The following UNC80 variants were observed in gnomAD, a reference collection of about 807,000 sequenced individuals.
UNC80 encodes protein unc-80 homolog.
A neutral mutation model predicts 384.6 loss-of-function variants in UNC80; 164 were observed. The ratio of observed to expected loss-of-function variants is 0.43; its 90% CI spans 0.38 to 0.49. The LOEUF is 0.49. UNC80 is among the 20% of genes least tolerant of loss of function. The pLI, the probability that UNC80 is intolerant of heterozygous loss-of-function variation, is 0.00. For missense variants in UNC80, 3,330 were observed against 4,143.0 expected (o/e 0.80, Z 5.39); for synonymous variants, 1,486 against 1,527.8 (o/e 0.97, Z 0.64).
intron 25 of UNC80, among the ~76,000 whole-genome samples, chr2:209,884,137 A>T (rs2085557745): frequency 6.6e-6 from 1 of 152,122 alleles, no homozygotes; most frequent in Non-Finnish European, 1.5e-5. Flanking sequence ...GCATAAGCAA[A>T]TTTTTTCTAA....
chr2:209,868,858 G>T (rs2084056939), intron 22 of UNC80, among the ~76,000 whole-genome samples: 1 of 152,090 alleles, frequency 6.6e-6, no homozygotes, highest in Admixed American at 6.5e-5. Context: ...TGCCTTCCCA[G>T]TTAAAATCGA....
intron 7 of UNC80, among the ~76,000 whole-genome samples, chr2:209,805,495 T>G (rs1166098153): frequency 6.6e-6 from 1 of 152,228 alleles, no homozygotes; most frequent in Non-Finnish European, 1.5e-5. Context: ...ACAGAGTCTC[T>G]CAAGCTGTTG....
chr2:209,788,413 A>G (rs2077585266), intron 5 of UNC80, among the ~76,000 whole-genome samples: 3 of 150,460 alleles, frequency 2.0e-5, no homozygotes, highest in Admixed American at 6.6e-5. Context: ...GCAAAACTCC[A>G]TCTCAAAAAA....
chr2:209,934,619 A>G (rs2091116872), intron 39 of UNC80, among the ~76,000 whole-genome samples: 2 of 152,220 alleles, frequency 1.3e-5, no homozygotes, highest in Admixed American at 1.3e-4. Context: ...AGAGATGAGA[A>G]CACAGGTTCT....
intron 25 of UNC80, among the ~76,000 whole-genome samples, chr2:209,881,960 CCTT>C (rs1395233432): frequency 3.1e-4 from 47 of 150,400 alleles, no homozygotes; most frequent in Middle Eastern, 6.8e-3. Flanking sequence ...CACCACCTCT[CCTT>C]CTTTTTTTTT....
rs71409845 is a variant in UNC80, at chr2:209,866,490, CCACACACACACA to C, written c.3628-6235_3628-6224del. On this transcript the variant is annotated intron_variant, in intron 22 of 64. Coordinates refer to ENST00000673920, the MANE Select transcript of UNC80 (RefSeq NM_001371986.1). ...ACATTCCATAATACAAAATGCACCC[CCACACACACACA>C]CACACACACACACACACACACACAC... Among the ~76,000 whole-genome samples the C allele has an allele frequency of 3.7e-5, 4 of 107,642 alleles. No individual in the cohort carries two copies. In the East Asian group the frequency reaches 1.2e-3, roughly 31 times the overall value. The allele number at this position is 107,642 out of a possible 152,430, so 70.6% of individuals were successfully genotyped here. A position where few individuals can be genotyped will look rare whatever the true frequency, so the allele number is the denominator to read the frequency against.
In UNC80 at chr2:209,872,816, G is replaced by A. The variant is rs1338064927; in HGVS notation, c.3686G>A (p.Arg1229His). Residue 1229 changes from arginine to histidine, a missense_variant, in exon 23 of 65, where the codon CGC becomes CAC. Around this residue, in one of 8 missense-constraint regions of UNC80, gnomAD observed 801 missense variants for 950.8 expected, o/e 0.84. Transcript: ENST00000673920. The surrounding 1 kb of genome is among the most constrained non-coding windows in gnomAD (Gnocchi z 4.1). Reference sequence around the variant, plus strand: ...CTGGAATGTGCTCGTTTTGTTCACCGCTGCAACCGTGGCAACTGGCCAGAG... The same window carrying A: ...CTGGAATGTGCTCGTTTTGTTCACCACTGCAACCGTGGCAACTGGCCAGAG... ...LFLECARFVH[R>H]CNRGNWPEWM... 9 of 1,551,420 alleles carry A rather than the reference G, an allele frequency of 5.8e-6. No individual in the cohort carries two copies. Among genetic ancestry groups the A allele is most frequent in the East Asian group, 4.9e-5 (2 of 40,900 alleles).
Position 209,976,401 on chromosome 2 carries a change from C to G in UNC80, c.8772+98C>G, listed in dbSNP as rs1349058350. On this transcript the variant is annotated intron_variant, in intron 57 of 64. Coordinates refer to ENST00000673920, the MANE Select transcript of UNC80 (RefSeq NM_001371986.1). The surrounding 1 kb of genome is among the most constrained non-coding windows in gnomAD (Gnocchi z 4.3). ...ATGGCAGGAGTGCTCATGGTACCTACTGTTGCCAGTTAGTAGGGCCTGTTA... is the reference window on the plus strand; with the variant it reads ...ATGGCAGGAGTGCTCATGGTACCTAGTGTTGCCAGTTAGTAGGGCCTGTTA... The G allele has an allele frequency of 4.8e-6, 7 of 1,466,666 alleles. No homozygotes were observed. The African/African-American group carries it at 9.9e-5, about 21-fold the overall frequency. 90.9% of individuals were successfully genotyped at this position (1,466,666 alleles called of 1,614,324 possible).
chr2:209,809,444 G>A (rs948940935), intron 7 of UNC80: 7 of 1,471,598 alleles, frequency 4.8e-6, no homozygotes, highest in African/African-American at 1.4e-5. Context: ...TTCGCCGACC[G>A]CTCCAACCTG....
chr2:209,811,274 C>T (rs980147827), intron 7 of UNC80, among the ~76,000 whole-genome samples: 1 of 152,038 alleles, frequency 6.6e-6, no homozygotes, highest in Non-Finnish European at 1.5e-5. Flanking sequence ...CCAGGGCAAG[C>T]ATAATAGAGA....
rs2091901779 is a variant in UNC80 at position 209,946,098 on chromosome 2, C to T, written c.7286+155C>T. Among the ~76,000 whole-genome samples, 6 of 152,152 alleles carry T rather than the reference C, an allele frequency of 3.9e-5. No individual in the cohort carries two copies. In the South Asian group the frequency reaches 1.0e-3, roughly 26 times the overall value. On this transcript the variant is annotated intron_variant, in intron 47 of 64. Coordinates refer to ENST00000673920, the MANE Select transcript of UNC80 (RefSeq NM_001371986.1). Reference sequence around the variant, plus strand: ...AATTTAGGCCAGGTGTGGTGGCTCACACCTATAATCCCAGCACTTTGGAAG... The same window carrying T: ...AATTTAGGCCAGGTGTGGTGGCTCATACCTATAATCCCAGCACTTTGGAAG...
chr2:209,840,410 G>A, intron 19 of UNC80, 132 bp from the exon 20 acceptor site: 1 of 741,900 alleles, frequency 1.3e-6, no homozygotes, highest in Non-Finnish European at 2.2e-6. Flanking sequence ...CATGTACATT[G>A]AAAACAATTT....
rs1328151749 is a variant in UNC80, at chr2:209,813,591, T to A, written c.950T>A (p.Val317Glu). 6.4e-7 allele frequency: 1 copy of A among 1,551,404 alleles called. No individual in the cohort carries two copies. The highest frequency in any genetic ancestry group is 1.4e-5 in the African/African-American group (1 of 73,182). ...RGPSHSRASL[V>E]IPPCQRSRYA... is the part of the protein sequence containing the mutation. The stretch of plus-strand genomic sequence containing the variant: ...CTGCCATGGAACAGGGCCTCTCTTG[T>A]GATACCTCCGTGCCAAAGGTCCCGC... Residue 317 changes from valine (V) to glutamate (E), a missense_variant, in exon 8 of 65, where the codon GTG (valine) becomes GAG (glutamate). Physicochemically the swap from Val to Glu is moderately radical, Grantham distance 121. Around this residue, in one of 8 missense-constraint regions of UNC80, gnomAD observed 937 missense variants for 1,026.8 expected, o/e 0.91. Coordinates refer to ENST00000673920, the MANE Select transcript of UNC80 (RefSeq NM_001371986.1).
intron 61 of UNC80, among the ~76,000 whole-genome samples, chr2:209,989,324 CAAA>C (rs5838190): frequency 4.3e-5 from 6 of 140,832 alleles, no homozygotes; most frequent in Admixed American, 7.2e-5. Context: ...GACTCTGTCT[CAAA>C]AAAAAAAAAA....
chr2:209,920,030 A>G (rs2089909379), intron 33 of UNC80, among the ~76,000 whole-genome samples: 1 of 152,180 alleles, frequency 6.6e-6, no homozygotes, highest in African/African-American at 2.4e-5. Flanking sequence ...TTAGCTGGGC[A>G]TGGTGGCAGG....
chr2:209,774,947 C>T (rs1316267780), intron 2 of UNC80, among the ~76,000 whole-genome samples: 1 of 151,998 alleles, frequency 6.6e-6, no homozygotes, highest in Non-Finnish European at 1.5e-5. Context: ...TTATTGGTAT[C>T]CTAATAATTC....
intron 8 of UNC80, 84 bp from the exon 9 acceptor site, chr2:209,815,173 C>T: frequency 7.3e-7 from 1 of 1,361,890 alleles, no homozygotes; most frequent in Non-Finnish European, 1.0e-6. Flanking sequence ...ATAGGCGCAT[C>T]CCTATTAAAA....
At chr2:209,833,298 A>T (rs2081122111) in intron 16 of UNC80, among the ~76,000 whole-genome samples, 1 of 146,564 alleles carries the variant, frequency 6.8e-6, no homozygotes, top group South Asian at 2.1e-4. Flanking sequence ...AAAAAAAAAT[A>T]CAGTAACTAC....
chr2:209,831,554 C>T lies in UNC80; in HGVS notation c.2738C>T (p.Ala913Val). ...TTTAAATCCCTCATCACACGCTGCG[C>T]TTCAACCACACATGAATTGCACAGC... ...AMFKSLITRC[A>V]STTHELHSPE... Residue 913 changes from alanine to valine, a missense_variant, in exon 16 of 65, where the codon GCT becomes GTT. Ala to Val is a moderately conservative substitution (Grantham distance 64, BLOSUM62 0). Around this residue, in one of 8 missense-constraint regions of UNC80, gnomAD observed 937 missense variants for 1,026.8 expected, o/e 0.91. Coordinates refer to ENST00000673920, the MANE Select transcript of UNC80 (RefSeq NM_001371986.1). The T allele has an allele frequency of 1.3e-6, 2 of 1,550,212 alleles. No homozygotes were observed. Among genetic ancestry groups the T allele is most frequent in the Non-Finnish European group, 1.7e-6 (2 of 1,146,314 alleles).
Sources: allele counts gnomAD v4.1 joint callset (sites outside exome capture counted in the v4.1 genomes callset), GRCh38; gene constraint gnomAD v4.1.1; regional missense constraint gnomAD v4.1.1; non-coding constraint Gnocchi (gnomAD v3.1); transcripts MANE v1.5; gene names NCBI Gene and HGNC (gene_info 2026-07-23, HGNC 2026-07-21).